Variants in CADM2 observed in about 807,000 individuals in gnomAD.
CADM2 encodes cell adhesion molecule 2, also known as immunoglobulin superfamily member 4D.
A neutral mutation model predicts 49.8 loss-of-function variants in CADM2; 12 were observed. The ratio of observed to expected loss-of-function variants is 0.24; its 90% CI spans 0.15 to 0.39. The LOEUF is 0.39. Among genes scored for constraint, CADM2 ranks in the 10% least tolerant of loss-of-function variants. The probability of loss-of-function intolerance (pLI) is 1.00; values close to 1 mark genes in which losing one functional copy is unlikely to be tolerated. For synonymous variants in CADM2, 214 were observed against 175.4 expected (o/e 1.22, Z -1.74); for missense variants, 378 against 492.3 (o/e 0.77, Z 2.20).
intron 7 of CADM2, among the ~76,000 whole-genome samples, chr3:85,960,928 T>G (rs1724730387): frequency 6.7e-6 from 1 of 148,480 alleles, no homozygotes; most frequent in East Asian, 2.0e-4. Flanking sequence ...TATTCTTATT[T>G]TATATGTATT....
chr3:85,246,946 A>G (rs1204056847), intron 1 of CADM2, among the ~76,000 whole-genome samples: 1 of 151,590 alleles, frequency 6.6e-6, no homozygotes, highest in Non-Finnish European at 1.5e-5. Context: ...TATACCTGTA[A>G]TGATTTTTAC....
intron 1 of CADM2, among the ~76,000 whole-genome samples, chr3:85,184,977 C>T (rs1021958123): frequency 2.6e-5 from 4 of 152,056 alleles, no homozygotes; most frequent in Non-Finnish European, 5.9e-5. Flanking sequence ...GTAGTACAGA[C>T]ATAATCAGTA....
chr3:85,355,599 A>G (rs2031789678), intron 1 of CADM2, among the ~76,000 whole-genome samples: 1 of 152,132 alleles, frequency 6.6e-6, no homozygotes, highest in African/African-American at 2.4e-5. Flanking sequence ...TTAGATGCAG[A>G]GGGTAGAGCA....
Position 86,066,977 on chromosome 3 carries a change from G to A in CADM2, c.*194G>A, listed in dbSNP as rs962592156. ...CTTTAATTACTGTACCATCCATAAT[G>A]CAGGACATTTCTTACTGCCTAAATT... On this transcript the variant is annotated 3_prime_UTR_variant, in exon 10 of 10. Transcript: ENST00000383699. 5 of 559,230 alleles carry A rather than the reference G, an allele frequency of 8.9e-6. No individual in the cohort carries two copies. The highest frequency in any genetic ancestry group is 6.4e-5 in the Admixed American group (2 of 31,014). The allele number at this position is 559,230 out of a possible 1,614,324, so 34.6% of individuals were successfully genotyped here. A position where few individuals can be genotyped will look rare whatever the true frequency, so the allele number is the denominator to read the frequency against.
intron 2 of CADM2, among the ~76,000 whole-genome samples, chr3:85,730,834 G>C (rs1385697803): frequency 6.6e-6 from 1 of 152,014 alleles, no homozygotes; most frequent in Non-Finnish European, 1.5e-5. Context: ...AGCAAAATTT[G>C]GCAACTATAG....
intron 1 of CADM2, among the ~76,000 whole-genome samples, chr3:85,346,480 A>T (rs1217211462): frequency 2.6e-5 from 4 of 152,178 alleles, no homozygotes; most frequent in African/African-American, 9.6e-5. Context: ...ATGCATTAAG[A>T]TGATTATTCA....
chr3:85,870,887 T>A (rs1256775631), intron 3 of CADM2, among the ~76,000 whole-genome samples: 1 of 152,078 alleles, frequency 6.6e-6, no homozygotes, highest in Non-Finnish European at 1.5e-5. Context: ...TACAAAAAAA[T>A]CAACTCAAGA....
chr3:85,200,912 A>G (rs1276778146), intron 1 of CADM2, among the ~76,000 whole-genome samples: 1 of 152,134 alleles, frequency 6.6e-6, no homozygotes, highest in East Asian at 1.9e-4. Flanking sequence ...TAAAGTAATT[A>G]TATGTTATTA....
At chr3:85,198,126 T>C (rs1286538063) in intron 1 of CADM2, among the ~76,000 whole-genome samples, 1 of 151,892 alleles carries the variant, frequency 6.6e-6, no homozygotes. Context: ...AACATAGTTA[T>C]ACTAGTACAC....
chr3:85,686,550 A>G (rs1384191406), intron 1 of CADM2, among the ~76,000 whole-genome samples: 2 of 152,218 alleles, frequency 1.3e-5, no homozygotes, highest in Non-Finnish European at 2.9e-5. Context: ...TTATTTACAG[A>G]CTATAATACT....
intron 6 of CADM2, among the ~76,000 whole-genome samples, chr3:85,915,009 G>C (rs1466676153): frequency 6.6e-6 from 1 of 152,066 alleles, no homozygotes; most frequent in East Asian, 1.9e-4. Flanking sequence ...TTGTCTTTGT[G>C]TTATTCCACG....
chr3:85,055,383 C>A (rs753981365), intron 1 of CADM2, among the ~76,000 whole-genome samples: 1 of 152,080 alleles, frequency 6.6e-6, no homozygotes. Flanking sequence ...TGTTTTCAGA[C>A]ATATCATCAA....
At chr3:85,960,183 C>T (rs1724640032) in intron 7 of CADM2, among the ~76,000 whole-genome samples, 1 of 151,844 alleles carries the variant, frequency 6.6e-6, no homozygotes, top group Admixed American at 6.6e-5. Context: ...ATATTGTTTA[C>T]AATATTTGTT....
At chr3:85,577,078 G>A (rs2062652308) in intron 1 of CADM2, among the ~76,000 whole-genome samples, 1 of 152,108 alleles carries the variant, frequency 6.6e-6, no homozygotes, top group African/African-American at 2.4e-5. Context: ...TATAGACAAT[G>A]AAATCTATGT....
At chr3:86,037,994 AC>A (rs946658997) in intron 8 of CADM2, among the ~76,000 whole-genome samples, 1 of 151,760 alleles carries the variant, frequency 6.6e-6, no homozygotes, top group Non-Finnish European at 1.5e-5. Context: ...TTTGCCCCCA[AC>A]CCCCTGACAA....
At chr3:85,785,719 C>T (rs145587927) in intron 2 of CADM2, among the ~76,000 whole-genome samples, 33 of 152,200 alleles carry the variant, frequency 2.2e-4, no homozygotes, top group African/African-American at 7.7e-4. Context: ...TGAGCAACCT[C>T]AGCTCAGGGA....
At chr3:85,452,309 C>A (rs536643741) in intron 1 of CADM2, among the ~76,000 whole-genome samples, 1 of 152,100 alleles carries the variant, frequency 6.6e-6, no homozygotes, top group Non-Finnish European at 1.5e-5. Context: ...CATTACCTTG[C>A]CAAATGCTTT....
At position 85,719,287 on chromosome 3, in the gene CADM2, T is replaced by C. The variant is rs570640547; in HGVS notation, c.62-7235T>C. Among the ~76,000 whole-genome samples, 69 of 152,264 alleles carry C rather than the reference T, an allele frequency of 4.5e-4. 1 individual carries two copies. The highest frequency in any genetic ancestry group is 1.6e-3 in the African/African-American group (67 of 41,566). ...CCAACGCTGAACTATTTTATATACA[T>C]TATCATATTAAATCATAGGAAAAGA... On this transcript the variant is annotated intron_variant, in intron 1 of 9. Coordinates refer to ENST00000383699, the MANE Select transcript of CADM2 (RefSeq NM_001167675.2).
At chr3:86,032,629 G>T (rs1188831754) in intron 8 of CADM2, among the ~76,000 whole-genome samples, 1 of 151,754 alleles carries the variant, frequency 6.6e-6, no homozygotes, top group African/African-American at 2.4e-5. Flanking sequence ...CTTAATGCAG[G>T]TTTATTATTA....
Sources: allele counts gnomAD v4.1 joint callset (sites outside exome capture counted in the v4.1 genomes callset), GRCh38; gene constraint gnomAD v4.1.1; transcripts MANE v1.5; gene names NCBI Gene and HGNC (gene_info 2026-07-23, HGNC 2026-07-21).